The following DLG2 variants were observed in gnomAD, a reference collection of about 807,000 sequenced individuals.
The protein encoded by DLG2 is discs large MAGUK scaffold protein 2.
A neutral mutation model predicts 132.5 loss-of-function variants in DLG2; 45 were observed. The observed-to-expected ratio is 0.34, with a 90% CI of 0.27 to 0.44. DLG2 has a LOEUF of 0.44. Among genes scored for constraint, DLG2 ranks in the 20% least tolerant of loss-of-function variants. The probability of loss-of-function intolerance (pLI) is 1.00; values close to 1 mark genes in which losing one functional copy is unlikely to be tolerated. For missense variants in DLG2, 1,045 were observed against 1,196.9 expected (o/e 0.87, Z 1.87); for synonymous variants, 424 against 419.6 (o/e 1.01, Z -0.13).
intron 14 of DLG2, among the ~76,000 whole-genome samples, chr11:83,951,905 G>A (rs551427141): frequency 6.6e-6 from 1 of 152,130 alleles, no homozygotes; most frequent in African/African-American, 2.4e-5. Flanking sequence ...GTGGAATGTG[G>A]CACATTGTGG....
chr11:84,671,566 C>T (rs982010824), intron 6 of DLG2, among the ~76,000 whole-genome samples: 19 of 152,178 alleles, frequency 1.2e-4, no homozygotes, highest in Admixed American at 9.2e-4. Context: ...CTGAAAATTC[C>T]TGTTCCTGTT....
At chr11:84,312,783 ATTTTATT>A (rs1290944026) in intron 7 of DLG2, among the ~76,000 whole-genome samples, 5 of 152,012 alleles carry the variant, frequency 3.3e-5, no homozygotes, top group African/African-American at 7.2e-5. Context: ...TTTCTTTACA[ATTTTATT>A]TTTTATTTTT....
chr11:84,664,651 T>C (rs1423340027), intron 6 of DLG2, among the ~76,000 whole-genome samples: 2 of 152,094 alleles, frequency 1.3e-5, no homozygotes, highest in African/African-American at 2.4e-5. Flanking sequence ...AGATGGGAAG[T>C]AGGGCACTGT....
intron 6 of DLG2, among the ~76,000 whole-genome samples, chr11:84,712,526 C>T (rs1405800199): frequency 6.6e-6 from 1 of 151,912 alleles, no homozygotes. Context: ...GCATTAGAAG[C>T]CTTCAACAAC....
chr11:83,960,829 C>A (rs2088498249), intron 14 of DLG2, among the ~76,000 whole-genome samples: 1 of 151,964 alleles, frequency 6.6e-6, no homozygotes. Flanking sequence ...TATGAGAGAA[C>A]ACCAACAATG....
At chr11:83,596,577 T>C (rs1358125712) in intron 19 of DLG2, among the ~76,000 whole-genome samples, 11 of 152,186 alleles carry the variant, frequency 7.2e-5, no homozygotes, top group Admixed American at 7.2e-4. Flanking sequence ...TGGGATAATT[T>C]CTAAATCACC....
chr11:84,302,756 G>A (rs1455065013), intron 7 of DLG2, among the ~76,000 whole-genome samples: 1 of 152,010 alleles, frequency 6.6e-6, no homozygotes, highest in Non-Finnish European at 1.5e-5. Context: ...TAAACTAAAA[G>A]GATTTATGAT....
chr11:85,019,223 T>C (rs1416745066), intron 6 of DLG2, among the ~76,000 whole-genome samples: 2 of 152,148 alleles, frequency 1.3e-5, no homozygotes, highest in African/African-American at 4.8e-5. Context: ...TAAAGAGGTA[T>C]CAAAATTAAA....
intron 3 of DLG2, among the ~76,000 whole-genome samples, chr11:85,397,374 C>T (rs747901904): frequency 1.2e-4 from 18 of 152,176 alleles, no homozygotes; most frequent in African/African-American, 2.2e-4. Context: ...CATCAATTAA[C>T]GGGCAAAATA....
intron 7 of DLG2, among the ~76,000 whole-genome samples, chr11:84,371,916 G>C (rs2098708326): frequency 6.6e-6 from 1 of 152,176 alleles, no homozygotes; most frequent in South Asian, 2.1e-4. Flanking sequence ...GAAAAGGGCA[G>C]TCATTTTGAA....
chr11:83,638,026 T>G (rs1401288130), intron 18 of DLG2, among the ~76,000 whole-genome samples: 1 of 152,202 alleles, frequency 6.6e-6, no homozygotes, highest in African/African-American at 2.4e-5. Flanking sequence ...TAAATGCTTT[T>G]TAAATTACAA....
intron 18 of DLG2, among the ~76,000 whole-genome samples, chr11:83,744,033 C>A (rs891345152): frequency 6.6e-6 from 1 of 152,108 alleles, no homozygotes; most frequent in Non-Finnish European, 1.5e-5. Context: ...TGGGTTTCCA[C>A]GGTTAGATGC....
intron 3 of DLG2, among the ~76,000 whole-genome samples, chr11:85,320,863 T>C (rs910907043): frequency 2.0e-5 from 3 of 151,680 alleles, no homozygotes; most frequent in African/African-American, 7.3e-5. Flanking sequence ...CAGAAGAGGA[T>C]GTTGGAAACA....
At chr11:85,176,564 A>T (rs1397327657) in intron 4 of DLG2, among the ~76,000 whole-genome samples, 5 of 152,216 alleles carry the variant, frequency 3.3e-5, no homozygotes, top group Non-Finnish European at 7.3e-5. Flanking sequence ...CAAAGATTTC[A>T]TAATAAAAAT....
At chr11:85,447,607 A>G (rs1478655914) in intron 3 of DLG2, among the ~76,000 whole-genome samples, 1 of 152,192 alleles carries the variant, frequency 6.6e-6, no homozygotes, top group Non-Finnish European at 1.5e-5. Context: ...TTGTGAGAAA[A>G]TAAATTTTTG....
At chr11:85,000,220 AG>A (rs2154130232) in intron 6 of DLG2, among the ~76,000 whole-genome samples, 1 of 152,256 alleles carries the variant, frequency 6.6e-6, no homozygotes, top group East Asian at 1.9e-4. Context: ...ATATTTGTAC[AG>A]TATTTTTTTC....
rs553358529 is a variant in DLG2, at chr11:85,353,171, G to A, written c.41-67806C>T. On this transcript the variant is annotated intron_variant, in intron 3 of 27. Transcript: ENST00000376104. The stretch of plus-strand genomic sequence containing the variant: ...AAACAAACAACCCCATCAAAAAGTC[G>A]GCAAAGGATATGAACAGCCACTTCT... Among the ~76,000 whole-genome samples, 9 of 152,212 alleles carry A rather than the reference G, an allele frequency of 5.9e-5. No homozygotes were observed. The East Asian group carries it at 1.2e-3, about 20-fold the overall frequency.
At position 83,700,402 on chromosome 11, in the gene DLG2, T is replaced by C. The variant is rs2082720610; in HGVS notation, c.1826-67077A>G. Among the ~76,000 whole-genome samples, 4 of 152,192 alleles carry C rather than the reference T, an allele frequency of 2.6e-5. No homozygotes were observed. The South Asian group carries it at 6.2e-4, about 24-fold the overall frequency. ...CAAAGAGGCTATGATGACCTTCTGG[T>C]ATCTTCCTAGGTCATGCAGCTCTAT... On this transcript the variant is annotated intron_variant, in intron 18 of 27. Coordinates refer to ENST00000376104, the MANE Select transcript of DLG2 (RefSeq NM_001142699.3).
chr11:84,330,850 T>A (rs1366695347), intron 7 of DLG2, among the ~76,000 whole-genome samples: 3 of 152,208 alleles, frequency 2.0e-5, no homozygotes, highest in Non-Finnish European at 2.9e-5. Flanking sequence ...ATATATGACA[T>A]CTTGTCACTC....
Sources: allele counts gnomAD v4.1 joint callset (sites outside exome capture counted in the v4.1 genomes callset), GRCh38; gene constraint gnomAD v4.1.1; transcripts MANE v1.5; gene names NCBI Gene and HGNC (gene_info 2026-07-23, HGNC 2026-07-21).